The following GABRA3 variants were observed in gnomAD, a reference collection of about 807,000 sequenced individuals.
The protein encoded by GABRA3 is gamma-aminobutyric acid type A receptor subunit alpha3, also known as gamma-aminobutyric acid receptor subunit alpha-3.
A neutral mutation model predicts 30.1 loss-of-function variants in GABRA3; 10 were observed. That is an observed-to-expected ratio of 0.33 (90% confidence interval 0.20 to 0.56). The LOEUF (loss-of-function observed/expected upper bound fraction) is 0.56, where lower values mean the gene tolerates loss of function less well. GABRA3 is among the 20% of genes least tolerant of loss of function. The probability of loss-of-function intolerance (pLI) is 0.89; values close to 1 mark genes in which losing one functional copy is unlikely to be tolerated. For synonymous variants in GABRA3, 151 were observed against 146.8 expected (o/e 1.03, Z -0.21); for missense variants, 233 against 392.0 (o/e 0.59, Z 3.42).
At chrX:152,385,161 T>A (rs1332850034) in intron 1 of GABRA3, among the ~76,000 whole-genome samples, 2 of 111,638 alleles carry the variant, frequency 1.8e-5, no homozygotes, top group African/African-American at 6.5e-5. Flanking sequence ...ACACTTCAGG[T>A]AGGAGTATAA....
At chrX:152,302,282 T>A (rs1939645010) in intron 3 of GABRA3, among the ~76,000 whole-genome samples, 1 of 110,409 alleles carries the variant, frequency 9.1e-6, no homozygotes, top group Non-Finnish European at 1.9e-5. Flanking sequence ...GCCAACCACA[T>A]TCTGTGTACA....
intron 3 of GABRA3, among the ~76,000 whole-genome samples, chrX:152,333,988 A>T (rs1395631792): frequency 4.5e-5 from 5 of 111,702 alleles, no homozygotes; most frequent in Non-Finnish European, 9.4e-5. Flanking sequence ...ATATTACCAG[A>T]TATCAAACCT....
Position 152,364,519 on chromosome X carries a change from A to G in GABRA3, c.52T>C (p.Phe18Leu). Reference protein sequence around the residue: ...HCYMTSLGILFLINILPGTTG... With the variant: ...HCYMTSLGILLLINILPGTTG... ...GTTCCAGGGAGAATATTAATCAGGAAAAGAATCCCAAGGCTGGTCATGTAA... is the reference window on the plus strand; with the variant it reads ...GTTCCAGGGAGAATATTAATCAGGAGAAGAATCCCAAGGCTGGTCATGTAA... The change falls in exon 2 of 10, where the codon TTC becomes CTC. Residue 18 changes from phenylalanine (F) to leucine (L), a missense_variant. Around this residue, in one of 6 missense-constraint regions of GABRA3, gnomAD observed 69 missense variants for 79.4 expected, o/e 0.87. Coordinates refer to ENST00000370314, the MANE Select transcript of GABRA3 (RefSeq NM_000808.4). 1 of 1,209,323 alleles carries G rather than the reference A, an allele frequency of 8.3e-7. No homozygotes were observed. Among genetic ancestry groups the G allele is most frequent in the Non-Finnish European group, 1.1e-6 (1 of 893,746 alleles).
At chrX:152,196,656 AACAG>A (rs1348633606) in intron 8 of GABRA3, among the ~76,000 whole-genome samples, 1 of 111,487 alleles carries the variant, frequency 9.0e-6, no homozygotes, top group African/African-American at 3.3e-5. Flanking sequence ...CACAATACCC[AACAG>A]ACAGTTTCTG....
chrX:152,234,841 T>C lies in GABRA3; in HGVS notation c.552-9996A>G, dbSNP rs186621899. On this transcript the variant is annotated intron_variant, in intron 5 of 9. Coordinates refer to ENST00000370314, the MANE Select transcript of GABRA3 (RefSeq NM_000808.4). ...TTCCATTGATCAATTTGTCTACTTC[T>C]ATACCAATACCATGCTGTTTGGGTT... 4.0e-3 allele frequency among the ~76,000 whole-genome samples: 452 copies of C among 112,164 alleles called. 2 individuals are homozygous for C. The highest frequency in any genetic ancestry group is 7.3e-3 in the Non-Finnish European group (387 of 53,201).
intron 5 of GABRA3, among the ~76,000 whole-genome samples, chrX:152,248,390 G>A (rs1419199152): frequency 9.0e-6 from 1 of 111,054 alleles, no homozygotes; most frequent in Non-Finnish European, 1.9e-5. Context: ...ACAATCTGTC[G>A]TGCTCTTTCA....
intron 4 of GABRA3, among the ~76,000 whole-genome samples, chrX:152,265,857 C>T (rs996395347): frequency 9.0e-6 from 1 of 111,058 alleles, no homozygotes; most frequent in Non-Finnish European, 1.9e-5. Context: ...CTGAGAGCAA[C>T]TATTTGCCAA....
At chrX:152,372,427 T>C (rs1198902011) in intron 1 of GABRA3, among the ~76,000 whole-genome samples, 8 of 111,878 alleles carry the variant, frequency 7.2e-5, no homozygotes, top group African/African-American at 2.6e-4. Context: ...TTTTCCCATA[T>C]ATCTCTTTGC....
chrX:152,223,722 A>T (rs1055587811), intron 6 of GABRA3, among the ~76,000 whole-genome samples: 1 of 109,639 alleles, frequency 9.1e-6, no homozygotes, highest in African/African-American at 3.3e-5. Context: ...CTTTTAAATA[A>T]TTAGGGTGAC....
At chrX:152,368,556 T>A (rs1175945448) in intron 1 of GABRA3, among the ~76,000 whole-genome samples, 1 of 111,132 alleles carries the variant, frequency 9.0e-6, no homozygotes, top group Non-Finnish European at 1.9e-5. Flanking sequence ...GACATTTAAG[T>A]TGATTTCATA....
rs775339556 is a variant in GABRA3, at chrX:152,298,632, C to T, written c.263-13897G>A. 2.7e-5 allele frequency among the ~76,000 whole-genome samples: 3 copies of T among 110,670 alleles called. No individual in the cohort carries two copies. The South Asian group carries it at 1.2e-3, about 43-fold the overall frequency. ...CTTAATCCAGTCTATCATTGTTGGA[C>T]ATTTGGTTTGGTTCCAAGTCTTTGC... is the stretch of plus-strand genomic sequence containing the variant. On this transcript the variant is annotated intron_variant, in intron 3 of 9. Coordinates refer to ENST00000370314, the MANE Select transcript of GABRA3 (RefSeq NM_000808.4).
chrX:152,364,519 A>C lies in GABRA3; in HGVS notation c.52T>G (p.Phe18Val), dbSNP rs371427327. 4 of 1,207,326 alleles carry C rather than the reference A, an allele frequency of 3.3e-6. No individual in the cohort carries two copies. In the African/African-American group the frequency reaches 7.0e-5, roughly 21 times the overall value. ...HCYMTSLGIL[F>V]LINILPGTTG... Reference sequence around the variant, plus strand: ...GTTCCAGGGAGAATATTAATCAGGAAAAGAATCCCAAGGCTGGTCATGTAA... The same window carrying C: ...GTTCCAGGGAGAATATTAATCAGGACAAGAATCCCAAGGCTGGTCATGTAA... Residue 18 changes from phenylalanine (F) to valine (V), a missense_variant, in exon 2 of 10, where the codon TTC (phenylalanine) becomes GTC (valine). Around this residue, in one of 6 missense-constraint regions of GABRA3, gnomAD observed 69 missense variants for 79.4 expected, o/e 0.87. Transcript: ENST00000370314.
At chrX:152,334,591 C>A (rs1940206753) in intron 3 of GABRA3, among the ~76,000 whole-genome samples, 2 of 111,048 alleles carry the variant, frequency 1.8e-5, no homozygotes, top group Admixed American at 1.9e-4. Flanking sequence ...TGGGGTCTGG[C>A]TACGTTGCCC....
intron 5 of GABRA3, among the ~76,000 whole-genome samples, chrX:152,233,845 A>C (rs954365594): frequency 3.8e-5 from 4 of 106,305 alleles, no homozygotes; most frequent in African/African-American, 1.0e-4. Flanking sequence ...GCACATATAC[A>C]CCATGGAATA....
chrX:152,247,365 C>T (rs1351060880), intron 5 of GABRA3, among the ~76,000 whole-genome samples: 1 of 111,590 alleles, frequency 9.0e-6, no homozygotes, highest in Non-Finnish European at 1.9e-5. Flanking sequence ...TCCAGACCTG[C>T]ATTTCCAACT....
At position 152,383,388 on chromosome X, in the gene GABRA3, C is replaced by CAAAAAAAAAAAAAAAAA. The variant is rs34736587; in HGVS notation, c.-26-18809_-26-18793dup. Among the ~76,000 whole-genome samples the CAAAAAAAAAAAAAAAAA allele has an allele frequency of 1.1e-3, 39 of 35,426 alleles. 1 individual carries two copies. Among genetic ancestry groups the CAAAAAAAAAAAAAAAAA allele is most frequent in the Non-Finnish European group, 1.5e-3 (31 of 20,805 alleles). The allele number at this position is 35,426 out of a possible 115,157, so 30.8% of individuals were successfully genotyped here. ...TGGGTGACAGAGTGAGACTCCATCT[C>CAAAAAAAAAAAAAAAAA]AAAAAAAAAAAAAAAAAAAAAAGAA... On this transcript the variant is annotated intron_variant, in intron 1 of 9. Transcript: ENST00000370314.
chrX:152,192,352 G>A (rs899558507), intron 8 of GABRA3, among the ~76,000 whole-genome samples: 4 of 111,534 alleles, frequency 3.6e-5, no homozygotes, highest in Non-Finnish European at 3.8e-5. Context: ...GTCCTCCCTC[G>A]TCTCCTTTGA....
chrX:152,179,954 T>C (rs73619365), intron 9 of GABRA3, among the ~76,000 whole-genome samples: 1 of 112,100 alleles, frequency 8.9e-6, no homozygotes, highest in African/African-American at 3.2e-5. Flanking sequence ...TCTTTATCTA[T>C]TCATCAGTTT....
rs763714676 is a variant in GABRA3 at position 152,389,031 on chromosome X, A to G, written c.-26-24435T>C. 8.9e-4 allele frequency among the ~76,000 whole-genome samples: 100 copies of G among 112,243 alleles called. 2 individuals carry two copies. Among genetic ancestry groups the G allele is most frequent in the African/African-American group, 3.1e-3 (95 of 30,924 alleles). On this transcript the variant is annotated intron_variant, in intron 1 of 9. Coordinates refer to ENST00000370314, the MANE Select transcript of GABRA3 (RefSeq NM_000808.4). ...TATAGTAGACAATCATAGTTCAGGC[A>G]TAGATACACATAGTAAATATGCACA... is the stretch of plus-strand genomic sequence containing the variant.
Sources: allele counts gnomAD v4.1 joint callset (sites outside exome capture counted in the v4.1 genomes callset), GRCh38; gene constraint gnomAD v4.1.1; regional missense constraint gnomAD v4.1.1; transcripts MANE v1.5; gene names NCBI Gene and HGNC (gene_info 2026-07-23, HGNC 2026-07-21).